The following XPO4 variants were observed in gnomAD, a reference collection of about 807,000 sequenced individuals.
XPO4 encodes the protein exportin 4, also known as exportin-4.
Under a neutral mutation model 143.0 loss-of-function variants are expected in XPO4, and 39 were observed. That is an observed-to-expected ratio of 0.27 (90% CI 0.21 to 0.36). XPO4 has a LOEUF of 0.36. Ranked by LOEUF, XPO4 falls within the 10% of genes least tolerant of loss-of-function variation. The pLI, the probability that XPO4 is intolerant of heterozygous loss-of-function variation, is 1.00. For missense variants in XPO4, 907 were observed against 1,348.0 expected, an observed-to-expected ratio of 0.67 and a Z score of 5.12; for synonymous variants, 439 against 474.0, an observed-to-expected ratio of 0.93 and a Z score of 0.96.
rs370592163 is a variant in XPO4 at position 20,809,203 on chromosome 13, C to T, written c.1373G>A (p.Arg458His). The T allele has an allele frequency of 9.3e-6, 15 of 1,613,794 alleles. No homozygotes were observed. The highest frequency in any genetic ancestry group is 3.3e-5 in the Admixed American group (2 of 59,986). The change falls in exon 11 of 23, where the codon CGT (arginine) becomes CAT (histidine). Residue 458 changes from arginine (R) to histidine (H), a missense_variant. By Grantham distance (29) the Arg-to-His change is conservative. Transcript: ENST00000255305. The stretch of plus-strand genomic sequence containing the variant: ...AAGTTCACTTATTTCTTCCTCCTCA[C>T]GAGAGGCCACACCATTGGCAGTCTA... ...RNLTANGVAS[R>H]EEEEISELQE...
intron 1 of XPO4, among the ~76,000 whole-genome samples, chr13:20,901,370 G>A (rs1318593161): frequency 6.6e-6 from 1 of 152,156 alleles, no homozygotes; most frequent in South Asian, 2.1e-4. Flanking sequence ...CGTGTTTTGG[G>A]TGGCATACTC....
At chr13:20,792,723 CAAA>C (rs748612077) in intron 18 of XPO4, among the ~76,000 whole-genome samples, 1 of 98,060 alleles carries the variant, frequency 1.0e-5, no homozygotes, top group Non-Finnish European at 1.9e-5. Flanking sequence ...CTCTGTCTCA[CAAA>C]AAAAAAAAAA....
chr13:20,825,013 A>ACAGGAAAGTGTACAGAGT (rs1404358865), intron 7 of XPO4, among the ~76,000 whole-genome samples: 1 of 152,208 alleles, frequency 6.6e-6, no homozygotes, highest in Non-Finnish European at 1.5e-5. Context: ...AGAGAGAGCC[A>ACAGGAAAGTGTACAGAGT]CAGGAAAGTG....
intron 8 of XPO4, 89 bp downstream of exon 8, chr13:20,822,043 G>A: frequency 1.4e-6 from 2 of 1,458,314 alleles, no homozygotes; most frequent in Admixed American, 2.4e-5. Context: ...AATATAAGGG[G>A]GAAAAAATAA....
chr13:20,788,533 C>T lies in XPO4; in HGVS notation c.3000G>A (p.Glu1000=). ...IFPEKIPQLP[E]DLFKSLMYSL... Reference sequence around the variant, plus strand: ...AGTACATCAGACTTTTAAACAGATCCTCAGGAAGCTGTGGTATTTTTTCAG... The same window carrying T: ...AGTACATCAGACTTTTAAACAGATCTTCAGGAAGCTGTGGTATTTTTTCAG... Residue 1000 remains glutamate (E), a synonymous_variant, in exon 20 of 23, where the codon GAG becomes GAA. Coordinates refer to ENST00000255305, the MANE Select transcript of XPO4 (RefSeq NM_022459.5). 1 of 1,613,102 alleles carries T rather than the reference C, an allele frequency of 6.2e-7. No homozygotes were observed. The highest frequency in any genetic ancestry group is 8.5e-7 in the Non-Finnish European group (1 of 1,179,590).
At chr13:20,899,601 A>C (rs1231374321) in intron 1 of XPO4, among the ~76,000 whole-genome samples, 1 of 152,160 alleles carries the variant, frequency 6.6e-6, no homozygotes, top group Non-Finnish European at 1.5e-5. Context: ...ACACCAAAAA[A>C]TTTGTTACAA....
intron 1 of XPO4, among the ~76,000 whole-genome samples, chr13:20,894,569 G>T (rs1402624695): frequency 6.6e-6 from 1 of 151,952 alleles, no homozygotes; most frequent in African/African-American, 2.4e-5. Context: ...GGCCGGGTGT[G>T]GTGGCTCACG....
rs564684481 is a variant in XPO4 at position 20,787,465 on chromosome 13, C to A, written c.3165+16G>T. 2.5e-5 allele frequency: 40 copies of A among 1,608,816 alleles called. No individual in the cohort carries two copies. The South Asian group carries it at 4.0e-4, about 16-fold the overall frequency. On this transcript the variant is annotated intron_variant, in intron 21 of 22. Transcript: ENST00000255305. Reference sequence around the variant, plus strand: ...GAAAGTAGCTGATTTTCTGACCTACCGCACAGACATCTTACCTTAAGAAAG... The same window carrying A: ...GAAAGTAGCTGATTTTCTGACCTACAGCACAGACATCTTACCTTAAGAAAG...
At chr13:20,811,883 G>T (rs1221912024) in intron 9 of XPO4, among the ~76,000 whole-genome samples, 2 of 152,092 alleles carry the variant, frequency 1.3e-5, no homozygotes, top group African/African-American at 2.4e-5. Context: ...TTCTTCTTTT[G>T]GACATGTTAA....
intron 9 of XPO4, among the ~76,000 whole-genome samples, chr13:20,816,779 AATTAAAAC>A (rs553903936): frequency 2.1e-4 from 32 of 152,238 alleles, no homozygotes; most frequent in Admixed American, 3.3e-4. Context: ...ATCCAATTAG[AATTAAAAC>A]ATTAAAACAA....
chr13:20,879,359 A>G (rs2138154499), intron 1 of XPO4: 2 of 965,692 alleles, frequency 2.1e-6, no homozygotes, highest in Non-Finnish European at 2.5e-6. Context: ...TCTGGACCTT[A>G]ACAATAGATG....
At chr13:20,806,706 C>T (rs2059511947) in intron 13 of XPO4, among the ~76,000 whole-genome samples, 1 of 151,880 alleles carries the variant, frequency 6.6e-6, no homozygotes, top group South Asian at 2.1e-4. Flanking sequence ...GCGTACACCA[C>T]CACATCCAGC....
In XPO4 at chr13:20,902,709, T is replaced by C. The variant is rs756076968; in HGVS notation, c.30A>G (p.Glu10=). MMAAALGPP[E]VIAQLENAAK... The stretch of plus-strand genomic sequence containing the variant: ...CCGCGTTCTCCAGCTGAGCGATCAC[T>C]TCTGGGGGCCCCAGCGCCGCCGCCA... The change falls in exon 1 of 23, where the codon GAA becomes GAG. Residue 10 remains glutamate, a synonymous_variant. Coordinates refer to ENST00000255305, the MANE Select transcript of XPO4 (RefSeq NM_022459.5). 1.3e-6 allele frequency: 2 copies of C among 1,568,248 alleles called. No individual in the cohort carries two copies. Among genetic ancestry groups the C allele is most frequent in the South Asian group, 1.2e-5 (1 of 86,576 alleles).
Position 20,786,993 on chromosome 13 carries a change from G to A in XPO4, c.3230C>T (p.Ala1077Val). The change falls in exon 22 of 23, where the codon GCT becomes GTT. Residue 1077 changes from alanine to valine, a missense_variant. Physicochemically the swap from Ala to Val is moderately conservative, Grantham distance 64. Transcript: ENST00000255305. ...GTGCAAACACACCAACGTGTAGAAAGCTTCGCCAGCCGCAGTGGTCATCTC... is the reference window on the plus strand; with the variant it reads ...GTGCAAACACACCAACGTGTAGAAAACTTCGCCAGCCGCAGTGGTCATCTC... ...NTEMTTAAGEAFYTLVCLHQA... is the reference protein window; with the variant it reads ...NTEMTTAAGEVFYTLVCLHQA... 1 of 1,559,700 alleles carries A rather than the reference G, an allele frequency of 6.4e-7. No individual in the cohort carries two copies. The highest frequency in any genetic ancestry group is 8.7e-7 in the Non-Finnish European group (1 of 1,150,240).
Position 20,809,788 on chromosome 13 carries a change from C to T in XPO4, c.1350+3G>A, listed in dbSNP as rs1275007103. On this transcript the variant is annotated splice_donor_region_variant and intron_variant, in intron 10 of 22. Coordinates refer to ENST00000255305, the MANE Select transcript of XPO4 (RefSeq NM_022459.5). ...GTTAATTACCATCTTGCTTAAAACT[C>T]ACCAAATTTCTTGTGCCATCTGGAG... 1 of 1,602,034 alleles carries T rather than the reference C, an allele frequency of 6.2e-7. No individual in the cohort carries two copies. Among genetic ancestry groups the T allele is most frequent in the Non-Finnish European group, 8.5e-7 (1 of 1,174,456 alleles).
At chr13:20,808,652 T>C in intron 11 of XPO4, 71 bp from the exon 12 acceptor site, 5 of 1,292,382 alleles carry the variant, frequency 3.9e-6, no homozygotes, top group Admixed American at 2.6e-5. Flanking sequence ...ACAACTTCCA[T>C]ATATTAGACA....
chr13:20,827,956 G>A (rs987917864), intron 6 of XPO4, among the ~76,000 whole-genome samples: 8 of 152,082 alleles, frequency 5.3e-5, no homozygotes, highest in African/African-American at 1.2e-4. Context: ...GAGAAAACTC[G>A]GCCAGTCACG....
intron 1 of XPO4, among the ~76,000 whole-genome samples, chr13:20,894,596 T>C (rs2060549772): frequency 6.6e-6 from 1 of 152,092 alleles, no homozygotes; most frequent in Admixed American, 6.6e-5. Flanking sequence ...ATCCCAGCAC[T>C]TTGGGAGGCC....
intron 3 of XPO4, 81 bp from the exon 4 acceptor site, chr13:20,855,846 G>T: frequency 1.5e-6 from 2 of 1,376,598 alleles, no homozygotes; most frequent in Non-Finnish European, 2.0e-6. Flanking sequence ...TATGCCTGAA[G>T]CTACTAATAA....
Sources: gnomAD v4.1 joint callset for allele counts (sites outside exome capture counted in the v4.1 genomes callset) on GRCh38, gnomAD v4.1.1 for gene constraint, MANE v1.5 for transcripts, NCBI Gene and HGNC (gene_info 2026-07-23, HGNC 2026-07-21) for gene names.